SDK1: variants seen among roughly 807,000 people sequenced by gnomAD.
The protein encoded by SDK1 is protein sidekick-1.
A neutral mutation model predicts 245.5 loss-of-function variants in SDK1; 157 were observed. That is an observed-to-expected ratio of 0.64 (90% CI 0.56 to 0.73). The LOEUF (loss-of-function observed/expected upper bound fraction) is 0.73. Ranked by LOEUF, SDK1 falls within the 30% of genes least tolerant of loss-of-function variation. The pLI is 0.00. For missense variants in SDK1, 3,583 were observed against 3,002.3 expected, an observed-to-expected ratio of 1.19 and a Z score of -4.52; for synonymous variants, 1,647 against 1,278.5, an observed-to-expected ratio of 1.29 and a Z score of -6.15.
At chr7:3,646,491 A>G (rs1017005556) in intron 4 of SDK1, among the ~76,000 whole-genome samples, 10 of 152,234 alleles carry the variant, frequency 6.6e-5, no homozygotes, top group Non-Finnish European at 1.5e-4. Flanking sequence ...AATTAGCTCT[A>G]TGTATAGTTA....
Position 3,633,170 on chromosome 7 carries a change from T to C in SDK1, c.459-5834T>C, listed in dbSNP as rs1271235055. Among the ~76,000 whole-genome samples, 3 of 152,190 alleles carry C rather than the reference T, an allele frequency of 2.0e-5. No homozygotes were observed. In the East Asian group the frequency reaches 5.8e-4, roughly 29 times the overall value. ...TGCTTATTTTCATGGAAAATAGATA[T>C]TTTCATACCAGCATAAAAATTAAAG... On this transcript the variant is annotated intron_variant, in intron 2 of 44. Coordinates refer to ENST00000404826, the MANE Select transcript of SDK1 (RefSeq NM_152744.4).
At chr7:3,349,142 C>T (rs1003763400) in intron 1 of SDK1, among the ~76,000 whole-genome samples, 3 of 152,022 alleles carry the variant, frequency 2.0e-5, no homozygotes, top group African/African-American at 7.3e-5. Flanking sequence ...TCTGCTGCCT[C>T]CTTCCTCAGT....
chr7:3,506,959 T>C lies in SDK1; in HGVS notation c.299-112121T>C, dbSNP rs532489988. 1.1e-4 allele frequency among the ~76,000 whole-genome samples: 16 copies of C among 152,330 alleles called. No homozygotes were observed. The South Asian group carries it at 3.3e-3, about 32-fold the overall frequency. On this transcript the variant is annotated intron_variant, in intron 1 of 44. Transcript: ENST00000404826. ...TTTTCTCTTGGTTAAGGGCTGCATTTTCCTTTAGAGGGTATTTGTTTTTAT... is the reference window on the plus strand; with the variant it reads ...TTTTCTCTTGGTTAAGGGCTGCATTCTCCTTTAGAGGGTATTTGTTTTTAT...
At chr7:4,012,658 C>G (rs1416546320) in intron 16 of SDK1, among the ~76,000 whole-genome samples, 2 of 131,904 alleles carry the variant, frequency 1.5e-5, no homozygotes, top group Non-Finnish European at 3.1e-5. Context: ...AATGCAACTT[C>G]CGCTGCCTGG....
intron 5 of SDK1, among the ~76,000 whole-genome samples, chr7:3,841,003 G>A (rs1346526669): frequency 6.6e-6 from 1 of 152,178 alleles, no homozygotes; most frequent in African/African-American, 2.4e-5. Flanking sequence ...ATTACCAAGA[G>A]GCCCCACTTC....
intron 1 of SDK1, among the ~76,000 whole-genome samples, chr7:3,515,496 T>TTAA (rs1309927160): frequency 6.6e-6 from 1 of 152,176 alleles, no homozygotes; most frequent in Non-Finnish European, 1.5e-5. Flanking sequence ...ATGATTTTAT[T>TTAA]TAAAAACACA....
At chr7:3,403,774 A>G (rs1348120810) in intron 1 of SDK1, among the ~76,000 whole-genome samples, 2 of 141,330 alleles carry the variant, frequency 1.4e-5, no homozygotes, top group Non-Finnish European at 3.1e-5. Context: ...CTGACTGGAT[A>G]CTGGGGTACT....
intron 4 of SDK1, 119 bp from the exon 5 acceptor site, chr7:3,821,331 C>T (rs1779640912): frequency 8.5e-7 from 1 of 1,174,902 alleles, no homozygotes; most frequent in African/African-American, 1.6e-5. Flanking sequence ...TGTTTTTGTC[C>T]TTCCAGCTCT....
intron 1 of SDK1, among the ~76,000 whole-genome samples, chr7:3,350,262 AAAAC>A (rs1438892417): frequency 4.6e-5 from 7 of 152,296 alleles, no homozygotes; most frequent in East Asian, 1.9e-4. Flanking sequence ...AGTGTGGAAA[AAAAC>A]AAAGTTTATC....
At chr7:3,920,858 A>G (rs7789580) in intron 5 of SDK1, among the ~76,000 whole-genome samples, 42,874 of 152,078 alleles carry the variant, frequency 0.28, 6,220 homozygotes, top group Middle Eastern at 0.39. Flanking sequence ...TGGATCTCGC[A>G]ATTGAGTGCT....
At position 3,534,079 on chromosome 7, in the gene SDK1, C is replaced by T. The variant is rs181208932; in HGVS notation, c.299-85001C>T. Among the ~76,000 whole-genome samples, 368 of 152,216 alleles carry T rather than the reference C, an allele frequency of 2.4e-3. 3 individuals are homozygous for T. The highest frequency in any genetic ancestry group is 0.018 in the South Asian group (87 of 4,820). Reference sequence around the variant, plus strand: ...AATCCCTGCATTTGGCCTCCCTGCCCGACATTGTTCTGTTCTCTGCTTCTA... The same window carrying T: ...AATCCCTGCATTTGGCCTCCCTGCCTGACATTGTTCTGTTCTCTGCTTCTA... On this transcript the variant is annotated intron_variant, in intron 1 of 44. Transcript: ENST00000404826.
intron 1 of SDK1, among the ~76,000 whole-genome samples, chr7:3,562,218 C>A (rs1340568450): frequency 6.6e-6 from 1 of 152,194 alleles, no homozygotes; most frequent in African/African-American, 2.4e-5. Flanking sequence ...TCCAAGGATT[C>A]CAGACCGTAT....
At chr7:3,685,828 T>C (rs1243055626) in intron 4 of SDK1, among the ~76,000 whole-genome samples, 1 of 151,900 alleles carries the variant, frequency 6.6e-6, no homozygotes, top group Non-Finnish European at 1.5e-5. Flanking sequence ...ATACTCAACC[T>C]ATAGGAAGAT....
intron 5 of SDK1, among the ~76,000 whole-genome samples, chr7:3,942,997 G>A (rs1338760335): frequency 6.6e-6 from 1 of 152,210 alleles, no homozygotes; most frequent in Non-Finnish European, 1.5e-5. Flanking sequence ...CTGGCCACGT[G>A]CGGGGAACGG....
chr7:3,508,077 C>T (rs1231795725), intron 1 of SDK1, among the ~76,000 whole-genome samples: 1 of 152,086 alleles, frequency 6.6e-6, no homozygotes, highest in Non-Finnish European at 1.5e-5. Context: ...TTTCTCTGAC[C>T]AGGCATAAAC....
At chr7:3,628,444 C>A (rs937881823) in intron 2 of SDK1, among the ~76,000 whole-genome samples, 7 of 152,096 alleles carry the variant, frequency 4.6e-5, no homozygotes, top group African/African-American at 1.4e-4. Context: ...CTAAGGACAT[C>A]AGTGTATGTA....
chr7:3,990,010 C>T (rs747160371), intron 14 of SDK1, among the ~76,000 whole-genome samples: 12 of 152,322 alleles, frequency 7.9e-5, no homozygotes, highest in South Asian at 4.1e-4. Context: ...GTCAGGCATC[C>T]GCAGAGGAGC....
chr7:3,989,354 C>A (rs1003295820), intron 14 of SDK1, among the ~76,000 whole-genome samples: 1 of 152,164 alleles, frequency 6.6e-6, no homozygotes, highest in Non-Finnish European at 1.5e-5. Flanking sequence ...ACAGGAGAGA[C>A]CTGCCCCCAT....
intron 1 of SDK1, among the ~76,000 whole-genome samples, chr7:3,571,520 G>T (rs1468822550): frequency 6.6e-6 from 1 of 151,890 alleles, no homozygotes; most frequent in African/African-American, 2.4e-5. Flanking sequence ...GCCCAAGCTG[G>T]TCTTAAACTC....
Sources: gnomAD v4.1 joint callset for allele counts (sites outside exome capture counted in the v4.1 genomes callset) on GRCh38, gnomAD v4.1.1 for gene constraint, MANE v1.5 for transcripts, NCBI Gene and HGNC (gene_info 2026-07-23, HGNC 2026-07-21) for gene names.